GLIS3: variants seen among roughly 807,000 people sequenced by gnomAD.
GLIS3 encodes GLIS family zinc finger 3.
In GLIS3, 53 loss-of-function variants were observed where a neutral mutation model predicts 78.6. That is an observed-to-expected ratio of 0.67 (90% CI 0.54 to 0.85). The LOEUF (loss-of-function observed/expected upper bound fraction) is 0.85, where lower values mean the gene tolerates loss of function less well. Ranked by LOEUF, GLIS3 falls within the 40% of genes least tolerant of loss-of-function variation. The probability of loss-of-function intolerance (pLI) is 0.00; values close to 1 mark genes in which losing one functional copy is unlikely to be tolerated. For missense variants in GLIS3, 1,703 were observed against 1,231.1 expected (o/e 1.38, Z -5.74); for synonymous variants, 684 against 509.9 (o/e 1.34, Z -4.60).
At chr9:4,336,944 C>A (rs1817765236) in intron 2 of GLIS3, among the ~76,000 whole-genome samples, 1 of 152,088 alleles carries the variant, frequency 6.6e-6, no homozygotes, top group African/African-American at 2.4e-5. Flanking sequence ...AAAAATAGAT[C>A]AAGTAAATGG....
chr9:3,925,657 G>A (rs2130749905), intron 6 of GLIS3, among the ~76,000 whole-genome samples: 1 of 152,214 alleles, frequency 6.6e-6, no homozygotes, highest in South Asian at 2.1e-4. Flanking sequence ...ATCCTCTCCA[G>A]GCCTTGAACT....
intron 2 of GLIS3, among the ~76,000 whole-genome samples, chr9:4,159,030 G>GGAAAAAAAAA (rs143925099): frequency 2.5e-5 from 2 of 79,094 alleles, no homozygotes; most frequent in African/African-American, 4.9e-5. Context: ...GAAAGGAGAA[G>GGAAAAAAAAA]AAGAAAAAAA....
the GLIS3 span, among the ~76,000 whole-genome samples, chr9:4,465,238 T>C: frequency 1.3e-5 from 2 of 152,234 alleles, no homozygotes; most frequent in Admixed American, 1.3e-4. Flanking sequence ...TAACATTGCA[T>C]ACATTCTTAG....
intron 4 of GLIS3, among the ~76,000 whole-genome samples, chr9:4,011,813 G>A (rs7043531): frequency 1.3e-5 from 2 of 152,118 alleles, no homozygotes; most frequent in African/African-American, 2.4e-5. Context: ...GTATTCATGG[G>A]AAACTGGGCA....
intron 7 of GLIS3, among the ~76,000 whole-genome samples, chr9:3,891,261 G>A (rs1822419876): frequency 1.3e-5 from 2 of 152,250 alleles, no homozygotes; most frequent in South Asian, 2.1e-4. Flanking sequence ...AACTCTTTAT[G>A]TCATTTAATC....
intron 6 of GLIS3, among the ~76,000 whole-genome samples, chr9:3,919,148 TG>T: frequency 6.6e-6 from 1 of 152,106 alleles, no homozygotes; most frequent in Non-Finnish European, 1.5e-5. Context: ...CTCCAAAGCA[TG>T]GGGAAAATCT....
intron 2 of GLIS3, among the ~76,000 whole-genome samples, chr9:4,323,833 G>A (rs1714043201): frequency 6.6e-6 from 1 of 152,160 alleles, no homozygotes; most frequent in Non-Finnish European, 1.5e-5. Context: ...AGAAGTTGCT[G>A]TTTGAATGAA....
At chr9:4,460,666 G>A in the GLIS3 span, among the ~76,000 whole-genome samples, 1 of 150,390 alleles carries the variant, frequency 6.6e-6, no homozygotes, top group Non-Finnish European at 1.5e-5. Context: ...CAGTAGTAAT[G>A]TAAGGCTCCA....
At chr9:3,884,925 G>A (rs1821973646) in intron 7 of GLIS3, among the ~76,000 whole-genome samples, 1 of 152,136 alleles carries the variant, frequency 6.6e-6, no homozygotes, top group Non-Finnish European at 1.5e-5. Context: ...GTTTGCAAAG[G>A]CTGCTTGTTG....
rs143998067 is a variant in GLIS3 at position 3,898,731 on chromosome 9, G to A, written c.2088C>T (p.Thr696=). ...GCCCGGGTCCAGGGGAGCGTCCCAC[G>A]GTCCCTTCAGCAGCAGCATCTCTAG... ...TSPRDAAAEG[T]VGRSPGPGPD... The change falls in exon 7 of 11, where the codon ACC becomes ACT. Residue 696 remains threonine, a synonymous_variant. Transcript: ENST00000381971. 53 of 1,613,970 alleles carry A rather than the reference G, an allele frequency of 3.3e-5. No individual in the cohort carries two copies. The highest frequency in any genetic ancestry group is 4.2e-5 in the Non-Finnish European group (49 of 1,180,016).
At chr9:4,135,761 A>G (rs937496049) in intron 2 of GLIS3, among the ~76,000 whole-genome samples, 10 of 152,166 alleles carry the variant, frequency 6.6e-5, no homozygotes, top group Admixed American at 5.9e-4. Flanking sequence ...CACCACAGAA[A>G]GAAACAAGTA....
At chr9:4,279,490 G>A (rs578061635) in intron 2 of GLIS3, among the ~76,000 whole-genome samples, 1 of 151,052 alleles carries the variant, frequency 6.6e-6, no homozygotes, top group South Asian at 2.1e-4. Flanking sequence ...AACTAATTGG[G>A]ATTAAAAAAC....
chr9:4,012,765 C>CTTTTTTTTTTTTTTTTTTTTTT (rs71324278), intron 4 of GLIS3, among the ~76,000 whole-genome samples: 5 of 66,494 alleles, frequency 7.5e-5, no homozygotes, highest in South Asian at 7.8e-4. Context: ...TTTTCTTTTT[C>CTTTTTTTTTTTTTTTTTTTTTT]TTTTTTTTTT....
the GLIS3 span, among the ~76,000 whole-genome samples, chr9:4,389,026 A>G: frequency 3.6e-3 from 548 of 152,312 alleles, 4 homozygotes; most frequent in African/African-American, 0.013. Context: ...AAATCAAAGC[A>G]AGAGCACTTA....
intron 2 of GLIS3, among the ~76,000 whole-genome samples, chr9:4,241,685 TG>T (rs1347192019): frequency 3.4e-5 from 5 of 147,488 alleles, no homozygotes; most frequent in African/African-American, 1.2e-4. Flanking sequence ...TTTTTTGTTT[TG>T]TTTTTTTTGA....
intron 4 of GLIS3, among the ~76,000 whole-genome samples, chr9:4,031,921 G>A (rs1361847609): frequency 6.6e-6 from 1 of 152,176 alleles, no homozygotes; most frequent in East Asian, 1.9e-4. Flanking sequence ...ACAGGGCAGG[G>A]AGCCTAGACT....
intron 4 of GLIS3, among the ~76,000 whole-genome samples, chr9:4,076,694 T>C (rs1254933797): frequency 3.3e-5 from 5 of 152,226 alleles, no homozygotes; most frequent in Admixed American, 6.5e-5. Context: ...AAAATGAATG[T>C]TTCTGTGATG....
At chr9:4,372,879 C>T in the GLIS3 span, among the ~76,000 whole-genome samples, 57 of 152,300 alleles carry the variant, frequency 3.7e-4, no homozygotes, top group Admixed American at 3.4e-3. Context: ...ATAGGGACTC[C>T]ACCATTCTTC....
the GLIS3 span, among the ~76,000 whole-genome samples, chr9:4,474,665 C>A: frequency 3.3e-5 from 5 of 149,838 alleles, no homozygotes; most frequent in African/African-American, 9.8e-5. Flanking sequence ...TTTATTTTTT[C>A]TTTTTTTACT....
Sources: allele counts gnomAD v4.1 joint callset (sites outside exome capture counted in the v4.1 genomes callset), GRCh38; gene constraint gnomAD v4.1.1; transcripts MANE v1.5; gene names NCBI Gene and HGNC (gene_info 2026-07-23, HGNC 2026-07-21).